The following SCAF8 variants were observed in gnomAD, a reference collection of about 807,000 sequenced individuals.
SCAF8 encodes SR-related CTD associated factor 8, also known as SR-related and CTD-associated factor 8.
A neutral mutation model predicts 140.5 loss-of-function variants in SCAF8; 23 were observed. The observed-to-expected ratio is 0.16, with a 90% confidence interval of 0.12 to 0.23. The LOEUF is 0.23. Among genes scored for constraint, SCAF8 ranks in the 10% least tolerant of loss-of-function variants. SCAF8 has a pLI of 1.00. For missense variants in SCAF8, 1,397 were observed against 1,555.7 expected (o/e 0.90, Z 1.72); for synonymous variants, 575 against 528.9 (o/e 1.09, Z -1.20).
chr6:154,817,800 A>C (rs1184546722), intron 13 of SCAF8, among the ~76,000 whole-genome samples: 4 of 152,184 alleles, frequency 2.6e-5, no homozygotes, highest in African/African-American at 9.6e-5. Context: ...AAATGCTGTG[A>C]ATAGTTTTCT....
intron 2 of SCAF8, among the ~76,000 whole-genome samples, chr6:154,774,430 C>A (rs115840530): frequency 2.0e-3 from 311 of 152,230 alleles, no homozygotes; most frequent in African/African-American, 7.1e-3. Flanking sequence ...AAACATTCTT[C>A]CATAAATTTT....
intron 3 of SCAF8, among the ~76,000 whole-genome samples, chr6:154,783,596 T>TA (rs1491544089): frequency 1.3e-5 from 2 of 152,244 alleles, no homozygotes; most frequent in Admixed American, 1.3e-4. Flanking sequence ...CTAAACTGTC[T>TA]AGAGATTATC....
chr6:154,827,690 C>T (rs1394504672), intron 18 of SCAF8, among the ~76,000 whole-genome samples: 1 of 152,094 alleles, frequency 6.6e-6, no homozygotes, highest in Non-Finnish European at 1.5e-5. Context: ...GAAGTTAGCA[C>T]CAAAGGCTTG....
intron 6 of SCAF8, among the ~76,000 whole-genome samples, chr6:154,796,746 G>T (rs1777619607): frequency 6.6e-6 from 1 of 152,174 alleles, no homozygotes; most frequent in Admixed American, 6.5e-5. Flanking sequence ...GCCCATGTAG[G>T]TGGATCACTT....
chr6:154,758,763 T>A (rs1464568977), intron 1 of SCAF8, among the ~76,000 whole-genome samples: 1 of 152,212 alleles, frequency 6.6e-6, no homozygotes, highest in Non-Finnish European at 1.5e-5. Context: ...CAGATGGATC[T>A]TCTTGAGATT....
At chr6:154,755,874 C>G (rs1023611100) in intron 1 of SCAF8, among the ~76,000 whole-genome samples, 2 of 152,118 alleles carry the variant, frequency 1.3e-5, no homozygotes, top group Non-Finnish European at 2.9e-5. Context: ...TAATGCATTT[C>G]CATTGGGAAA....
chr6:154,821,104 A>T (rs887452925), intron 15 of SCAF8, among the ~76,000 whole-genome samples: 43 of 152,274 alleles, frequency 2.8e-4, no homozygotes, highest in African/African-American at 1.0e-3. Context: ...TTCACTTAAT[A>T]CATATTTTAG....
intron 7 of SCAF8, among the ~76,000 whole-genome samples, chr6:154,803,053 A>G (rs968708984): frequency 6.6e-6 from 1 of 152,208 alleles, no homozygotes; most frequent in African/African-American, 2.4e-5. Context: ...AGGAAAGTAG[A>G]TACTGATTTA....
intron 1 of SCAF8, among the ~76,000 whole-genome samples, chr6:154,770,317 C>T (rs1473963199): frequency 6.6e-6 from 1 of 151,838 alleles, no homozygotes; most frequent in Non-Finnish European, 1.5e-5. Flanking sequence ...CACACACACA[C>T]GTTGAGTATG....
At chr6:154,825,125 C>G (rs1027226867) in intron 17 of SCAF8, 1 of 152,040 alleles carries the variant, frequency 6.6e-6, no homozygotes, top group African/African-American at 2.4e-5. Flanking sequence ...ATTTAAAAGG[C>G]TAATTGAATT....
chr6:154,810,498 G>A lies in SCAF8; in HGVS notation c.1420+290G>A, dbSNP rs116105025. 8.0e-3 allele frequency among the ~76,000 whole-genome samples: 1,214 copies of A among 152,278 alleles called. 15 individuals carry two copies. Among genetic ancestry groups the A allele is most frequent in the African/African-American group, 0.028 (1,157 of 41,550 alleles). On this transcript the variant is annotated intron_variant, in intron 12 of 19. Transcript: ENST00000367178. ...CAGACTAGGCTGGTATCTGTAGCATGGACACAGTGACTTCTGTCTATAGTA... is the reference window on the plus strand; with the variant it reads ...CAGACTAGGCTGGTATCTGTAGCATAGACACAGTGACTTCTGTCTATAGTA...
chr6:154,822,436 T>TG lies in SCAF8; in HGVS notation c.1926+27_1926+28insG, dbSNP rs760853606. 5 of 1,575,716 alleles carry TG rather than the reference T, an allele frequency of 3.2e-6. No homozygotes were observed. In the African/African-American group the frequency reaches 5.5e-5, roughly 17 times the overall value. On this transcript the variant is annotated intron_variant, in intron 16 of 19. Transcript: ENST00000367178. ...TTAGTGTTGAAGTGGGGTTTTTTTT[T>TG]TCTTGTGTTGTTTTACATTTCTGTT...
intron 6 of SCAF8, among the ~76,000 whole-genome samples, chr6:154,798,846 C>G (rs1777684749): frequency 6.6e-6 from 1 of 151,430 alleles, no homozygotes; most frequent in Admixed American, 6.6e-5. Context: ...GTCACTCAGA[C>G]TGGAGTGCAG....
At chr6:154,757,610 C>T (rs1015510526) in intron 1 of SCAF8, among the ~76,000 whole-genome samples, 4 of 152,000 alleles carry the variant, frequency 2.6e-5, no homozygotes, top group Non-Finnish European at 5.9e-5. Flanking sequence ...TTGTGGAAGA[C>T]ATGAAAAAAA....
chr6:154,758,220 C>T (rs1470206154), intron 1 of SCAF8, among the ~76,000 whole-genome samples: 2 of 152,110 alleles, frequency 1.3e-5, no homozygotes, highest in East Asian at 3.8e-4. Context: ...CCAAGTTTCA[C>T]TTATATGCTG....
At chr6:154,765,582 A>G (rs770846820) in intron 1 of SCAF8, among the ~76,000 whole-genome samples, 5 of 152,224 alleles carry the variant, frequency 3.3e-5, no homozygotes, top group African/African-American at 4.8e-5. Flanking sequence ...GAATAAACAT[A>G]TCAGCAAGAT....
intron 8 of SCAF8, 75 bp downstream of exon 8, chr6:154,803,698 T>G (rs1470030040): frequency 1.2e-6 from 1 of 862,062 alleles, no homozygotes; most frequent in Non-Finnish European, 1.9e-6. Context: ...CTAAGTATAC[T>G]TAGTAAGTTG....
intron 12 of SCAF8, among the ~76,000 whole-genome samples, chr6:154,810,629 C>T (rs1393716851): frequency 1.3e-5 from 2 of 152,128 alleles, no homozygotes; most frequent in Non-Finnish European, 2.9e-5. Context: ...TGGGTTAGCA[C>T]TACAGGATAA....
intron 3 of SCAF8, among the ~76,000 whole-genome samples, chr6:154,783,579 G>T (rs1015810744): frequency 1.3e-5 from 2 of 152,224 alleles, no homozygotes; most frequent in Admixed American, 6.5e-5. Context: ...TAAATGAAAA[G>T]ATGGTGCTAA....
Sources: allele counts gnomAD v4.1 joint callset (sites outside exome capture counted in the v4.1 genomes callset), GRCh38; gene constraint gnomAD v4.1.1; transcripts MANE v1.5; gene names NCBI Gene and HGNC (gene_info 2026-07-23, HGNC 2026-07-21).